Variants in ADH1C observed in about 807,000 individuals in gnomAD.
ADH1C encodes the protein alcohol dehydrogenase 1C (class I), gamma polypeptide.
ADH1C carries 26 observed loss-of-function variants against 35.0 expected under a neutral mutation model. The observed-to-expected ratio is 0.74, with a 90% CI of 0.54 to 1.03. ADH1C has a LOEUF of 1.03. ADH1C is among the 50% of genes least tolerant of loss of function. The pLI is 0.00. For missense variants in ADH1C, 413 were observed against 465.4 expected (o/e 0.89, Z 1.04); for synonymous variants, 170 against 169.3 (o/e 1.00, Z -0.03).
chr4:99,344,272 A>G (rs1002337782), intron 5 of ADH1C, among the ~76,000 whole-genome samples: 4 of 152,188 alleles, frequency 2.6e-5, no homozygotes, highest in African/African-American at 9.7e-5. Flanking sequence ...CTGAATACAT[A>G]TGTGTGTTCA....
rs1243827253 is a variant in ADH1C, at chr4:99,344,918, A to C, written c.511T>G (p.Cys171Gly). Residue 171 changes from cysteine to glycine, a missense_variant, in exon 5 of 9, where the codon TGC (cysteine) becomes GGC (glycine). Physicochemically the swap from Cys to Gly is radical, Grantham distance 159. Transcript: ENST00000515683. ...IDAASPLEKVCLIGCGFSTGY... is the reference protein window; with the variant it reads ...IDAASPLEKVGLIGCGFSTGY... ...GTCGAAAATCCACAGCCAATGAGGCAGACTTTCTCCAGGGGCGAGGCTGCA... is the reference window on the plus strand; with the variant it reads ...GTCGAAAATCCACAGCCAATGAGGCCGACTTTCTCCAGGGGCGAGGCTGCA... 2 of 1,614,108 alleles carry C rather than the reference A, an allele frequency of 1.2e-6. No homozygotes were observed. Among genetic ancestry groups the C allele is most frequent in the South Asian group, 1.1e-5 (1 of 91,084 alleles).
At chr4:99,340,264 A>T (rs900663278) in intron 7 of ADH1C, among the ~76,000 whole-genome samples, 24 of 152,198 alleles carry the variant, frequency 1.6e-4, no homozygotes, top group African/African-American at 5.1e-4. Context: ...ACCCAAAAAA[A>T]TTAGCTGGGC....
Position 99,336,738 on chromosome 4 carries a change from G to C in ADH1C, c.*14C>G, listed in dbSNP as rs376262520. 1.2e-6 allele frequency: 2 copies of C among 1,613,550 alleles called. No individual in the cohort carries two copies. The highest frequency in any genetic ancestry group is 3.3e-5 in the Admixed American group (2 of 59,954). ...AGGCTGAAAACTGCTACAAGGGAAGGCATCTGTATTGTTTCAAAACGTCAG... is the reference window on the plus strand; with the variant it reads ...AGGCTGAAAACTGCTACAAGGGAAGCCATCTGTATTGTTTCAAAACGTCAG... On this transcript the variant is annotated 3_prime_UTR_variant, in exon 9 of 9. Transcript: ENST00000515683.
intron 3 of ADH1C, among the ~76,000 whole-genome samples, chr4:99,346,277 T>A (rs1040639834): frequency 1.3e-5 from 2 of 152,094 alleles, no homozygotes; most frequent in African/African-American, 2.4e-5. Context: ...TAGTTATTCA[T>A]CCTTAATTAA....
In ADH1C at chr4:99,342,863, C is replaced by T; in HGVS notation, c.760G>A (p.Val254Met). The change falls in exon 6 of 9, where the codon GTG (valine) becomes ATG (methionine). Residue 254 changes from valine to methionine, a missense_variant. Physicochemically the swap from Val to Met is conservative, Grantham distance 21 (BLOSUM62 1). Transcript: ENST00000515683. ...PQDYKKPIQE[V>M]LKEMTDGGVD... ...CCTCCATCAGTCATTTCCTTTAGCA[C>T]TTCCTGAATGGGTTTCTTGTAGTCT... 1 of 1,614,044 alleles carries T rather than the reference C, an allele frequency of 6.2e-7. No individual in the cohort carries two copies. Among genetic ancestry groups the T allele is most frequent in the Non-Finnish European group, 8.5e-7 (1 of 1,179,916 alleles).
At chr4:99,347,174 C>T (rs1400575916) in intron 2 of ADH1C, 30 bp from the exon 3 acceptor site, 2 of 1,602,878 alleles carry the variant, frequency 1.2e-6, no homozygotes, top group Admixed American at 3.5e-5. Context: ...TGTTTAGATT[C>T]AGAAAAGATT....
intron 1 of ADH1C, among the ~76,000 whole-genome samples, chr4:99,348,239 T>C (rs1734588137): frequency 6.6e-6 from 1 of 150,606 alleles, no homozygotes; most frequent in African/African-American, 2.4e-5. Context: ...ACTCGTCATC[T>C]AGCATTAGGT....
intron 8 of ADH1C, among the ~76,000 whole-genome samples, chr4:99,339,067 G>A (rs1310397064): frequency 6.6e-6 from 1 of 151,450 alleles, no homozygotes; most frequent in African/African-American, 2.4e-5. Context: ...AAACTGCAAA[G>A]AAAAGAAAAG....
At chr4:99,346,670 T>G (rs959226657) in intron 3 of ADH1C, among the ~76,000 whole-genome samples, 2 of 152,146 alleles carry the variant, frequency 1.3e-5, no homozygotes, top group African/African-American at 4.8e-5. Flanking sequence ...CAGAAGACAG[T>G]GTTCAGCTAA....
At chr4:99,352,326 A>C (rs1282541011) in intron 1 of ADH1C, among the ~76,000 whole-genome samples, 2 of 152,364 alleles carry the variant, frequency 1.3e-5, no homozygotes, top group Admixed American at 1.3e-4. Flanking sequence ...TTTACAAATC[A>C]GTCATGATTA....
chr4:99,342,605 G>C (rs1693480), intron 6 of ADH1C, among the ~76,000 whole-genome samples, 190 bp downstream of exon 6: 47,453 of 151,988 alleles, frequency 0.31, 8,840 homozygotes, highest in Non-Finnish European at 0.41. Context: ...ACTTGAGACA[G>C]GTTTGCTTAG....
In ADH1C at chr4:99,342,987, ACAGCCCATAACAACAGATAGGC is replaced by A. The variant is rs1437469848; in HGVS notation, c.614_635del (p.Gly205ValfsTer44). On this transcript the variant is annotated frameshift_variant, in exon 6 of 9. Coordinates refer to ENST00000515683, the MANE Select transcript of ADH1C (RefSeq NM_000669.5). LOFTEE classifies it high-confidence loss of function. ...TGATTCTGGCTGCTCCAGCTGCTTT[ACAGCCCATAACAACAGATAGGC>A]CGACCCCTCCCAGGCCAAACACAGC... 6.2e-7 allele frequency: 1 copy of A among 1,614,098 alleles called. No individual in the cohort carries two copies. The highest frequency in any genetic ancestry group is 2.2e-5 in the East Asian group (1 of 44,906).
At chr4:99,348,476 A>G (rs1210342604) in intron 1 of ADH1C, among the ~76,000 whole-genome samples, 2 of 151,148 alleles carry the variant, frequency 1.3e-5, no homozygotes, top group East Asian at 1.9e-4. Flanking sequence ...TTATGGCTGC[A>G]TAGTATTCCA....
Position 99,347,145 on chromosome 4 carries a change from C to G in ADH1C, c.121-1G>C. 1 of 1,612,594 alleles carries G rather than the reference C, an allele frequency of 6.2e-7. No individual in the cohort carries two copies. Among genetic ancestry groups the G allele is most frequent in the African/African-American group, 1.3e-5 (1 of 74,912 alleles). ...AACGACAGATTCCTGCAGCCACCAT[C>G]TACAGAATAAAGAGAAGATGTTTAG... is the stretch of plus-strand genomic sequence containing the variant. On this transcript the variant is annotated splice_acceptor_variant, in intron 2 of 8. Coordinates refer to ENST00000515683, the MANE Select transcript of ADH1C (RefSeq NM_000669.5). LOFTEE classifies it high-confidence loss of function.
chr4:99,337,590 G>T (rs1252470929), intron 8 of ADH1C, among the ~76,000 whole-genome samples: 2 of 151,794 alleles, frequency 1.3e-5, no homozygotes, highest in African/African-American at 4.8e-5. Context: ...TTTATATATA[G>T]TGTGTGTGTG....
intron 2 of ADH1C, 47 bp downstream of exon 2, chr4:99,347,698 G>T: frequency 6.6e-7 from 1 of 1,512,940 alleles, no homozygotes; most frequent in Non-Finnish European, 8.9e-7. Flanking sequence ...AATATTTTCT[G>T]AATTCTTTAA....
At chr4:99,339,516 C>A in intron 8 of ADH1C, 61 bp downstream of exon 8, 5 of 790,844 alleles carry the variant, frequency 6.3e-6, no homozygotes, top group Non-Finnish European at 6.7e-6. Context: ...GACAACGCCC[C>A]CCCCCCCCCC....
chr4:99,340,728 T>C lies in ADH1C; in HGVS notation c.829-18A>G, dbSNP rs746028730. 1 of 1,612,098 alleles carries C rather than the reference T, an allele frequency of 6.2e-7. No homozygotes were observed. Among genetic ancestry groups the C allele is most frequent in the South Asian group, 1.1e-5 (1 of 90,984 alleles). ...GAAGCCATCTGGAATAAAGTGAACA[T>C]TTAGTATCCTTAACGTGGAGTGGCA... On this transcript the variant is annotated intron_variant, in intron 6 of 8. Transcript: ENST00000515683.
In ADH1C at chr4:99,347,785, A is replaced by T; in HGVS notation, c.80T>A (p.Val27Glu). 5 of 1,613,818 alleles carry T rather than the reference A, an allele frequency of 3.1e-6. No homozygotes were observed. ...ELKKPFSIEE[V>E]EVAPPKAHEV... ...ATGAGCCTTAGGAGGTGCAACCTCT[A>T]CCTCCTCAATGGAAAAGGGTTTCTT... is the stretch of plus-strand genomic sequence containing the variant. Residue 27 changes from valine to glutamate, a missense_variant, in exon 2 of 9, where the codon GTA becomes GAA. Coordinates refer to ENST00000515683, the MANE Select transcript of ADH1C (RefSeq NM_000669.5).
Sources: gnomAD v4.1 joint callset for allele counts (sites outside exome capture counted in the v4.1 genomes callset) on GRCh38, gnomAD v4.1.1 for gene constraint, MANE v1.5 for transcripts, NCBI Gene and HGNC (gene_info 2026-07-23, HGNC 2026-07-21) for gene names.